Variants in LRP1B observed in about 807,000 individuals in gnomAD.
The protein encoded by LRP1B is low-density lipoprotein receptor-related protein 1B.
In LRP1B, 217 loss-of-function variants were observed where a neutral mutation model predicts 556.6. The ratio of observed to expected loss-of-function variants is 0.39; its 90% CI spans 0.35 to 0.44. LRP1B has a LOEUF of 0.44. LRP1B is among the 20% of genes least tolerant of loss of function. The probability of loss-of-function intolerance (pLI) is 1.00; values close to 1 mark genes in which losing one functional copy is unlikely to be tolerated. For missense variants in LRP1B, 5,053 were observed against 5,620.8 expected (o/e 0.90, Z 3.23); for synonymous variants, 2,047 against 1,865.8 (o/e 1.10, Z -2.50).
At chr2:141,766,442 C>T (rs1322299500) in intron 2 of LRP1B, among the ~76,000 whole-genome samples, 1 of 152,156 alleles carries the variant, frequency 6.6e-6, no homozygotes, top group Non-Finnish European at 1.5e-5. Context: ...AGCTAATGTC[C>T]TCATCACTAA....
intron 2 of LRP1B, among the ~76,000 whole-genome samples, chr2:141,760,282 G>A (rs1694491595): frequency 1.3e-5 from 2 of 152,156 alleles, no homozygotes; most frequent in South Asian, 2.1e-4. Flanking sequence ...ATACTAAGAC[G>A]ATATGAAAAA....
At chr2:142,032,284 C>T (rs78027294) in intron 1 of LRP1B, among the ~76,000 whole-genome samples, 2 of 151,752 alleles carry the variant, frequency 1.3e-5, no homozygotes, top group Non-Finnish European at 2.9e-5. Flanking sequence ...ATCCCTCTAT[C>T]CCATGCAAAC....
intron 2 of LRP1B, among the ~76,000 whole-genome samples, chr2:141,713,764 G>A (rs952766399): frequency 6.6e-6 from 1 of 152,084 alleles, no homozygotes; most frequent in Admixed American, 6.6e-5. Flanking sequence ...TTTCTCATAT[G>A]AGTCATATTA....
At chr2:141,995,786 G>T (rs530074584) in intron 1 of LRP1B, among the ~76,000 whole-genome samples, 1 of 152,096 alleles carries the variant, frequency 6.6e-6, no homozygotes, top group Admixed American at 6.6e-5. Context: ...TAAAATGTTA[G>T]AATTGTTTAA....
chr2:140,630,106 C>A (rs1375392356), intron 41 of LRP1B, among the ~76,000 whole-genome samples: 1 of 152,174 alleles, frequency 6.6e-6, no homozygotes, highest in Non-Finnish European at 1.5e-5. Context: ...GATGGCCCTG[C>A]AGTATCAGCA....
chr2:141,811,171 T>C (rs1000160171), intron 1 of LRP1B, among the ~76,000 whole-genome samples: 2 of 152,242 alleles, frequency 1.3e-5, no homozygotes, highest in South Asian at 2.1e-4. Context: ...TGAATCCCTT[T>C]ACAAACTAAT....
At chr2:141,442,881 A>C (rs759853804) in intron 3 of LRP1B, among the ~76,000 whole-genome samples, 3 of 152,170 alleles carry the variant, frequency 2.0e-5, no homozygotes, top group Non-Finnish European at 4.4e-5. Context: ...ATACTGCTGC[A>C]ATAAACATAT....
chr2:141,297,755 G>T (rs116495399), intron 3 of LRP1B, among the ~76,000 whole-genome samples: 1,635 of 152,146 alleles, frequency 0.011, 29 homozygotes, highest in African/African-American at 0.038. Flanking sequence ...ATATACAACG[G>T]TGCTCCCTAA....
intron 3 of LRP1B, among the ~76,000 whole-genome samples, chr2:141,309,971 G>A (rs1391674964): frequency 2.0e-5 from 3 of 152,126 alleles, no homozygotes; most frequent in African/African-American, 4.8e-5. Flanking sequence ...AAAAATGTGA[G>A]CAATAAATTT....
At chr2:141,203,384 C>T (rs552233918) in intron 6 of LRP1B, among the ~76,000 whole-genome samples, 78 of 151,662 alleles carry the variant, frequency 5.1e-4, no homozygotes, top group Non-Finnish European at 9.3e-4. Context: ...AAAAGAGTTG[C>T]AATCCTAATC....
intron 32 of LRP1B, among the ~76,000 whole-genome samples, chr2:140,784,188 T>A (rs1689804068): frequency 6.6e-6 from 1 of 152,076 alleles, no homozygotes; most frequent in Admixed American, 6.6e-5. Context: ...TCTCCCACCA[T>A]AATGTTCAAA....
At chr2:141,102,337 A>G (rs10048677) in intron 7 of LRP1B, among the ~76,000 whole-genome samples, 55,153 of 151,962 alleles carry the variant, frequency 0.36, 10,477 homozygotes, top group East Asian at 0.66. Flanking sequence ...TTTATATTGT[A>G]CAGGTCATAC....
chr2:141,285,983 C>A (rs868286513), intron 3 of LRP1B, among the ~76,000 whole-genome samples: 5 of 136,590 alleles, frequency 3.7e-5, no homozygotes, highest in East Asian at 2.2e-4. Flanking sequence ...AGGAGAATGG[C>A]GTGAACCCGG....
At position 140,352,941 on chromosome 2, in the gene LRP1B, T is replaced by A. The variant is rs1404189993; in HGVS notation, c.11650+12A>T. 6.2e-7 allele frequency: 1 copy of A among 1,607,484 alleles called. No individual in the cohort carries two copies. The highest frequency in any genetic ancestry group is 8.5e-7 in the Non-Finnish European group (1 of 1,177,716). On this transcript the variant is annotated intron_variant, in intron 76 of 90. Transcript: ENST00000389484. ...ATTGTAATAGGATTTGCAATAGTGG[T>A]TATAATCTTACCTTCTGCTATGCAG...
At chr2:141,246,475 T>C (rs1684072434) in intron 5 of LRP1B, among the ~76,000 whole-genome samples, 1 of 152,102 alleles carries the variant, frequency 6.6e-6, no homozygotes, top group African/African-American at 2.4e-5. Flanking sequence ...TATTGGGAGA[T>C]TTGAAGCAAA....
intron 2 of LRP1B, among the ~76,000 whole-genome samples, chr2:141,634,096 C>T (rs759824114): frequency 1.1e-4 from 16 of 151,798 alleles, no homozygotes; most frequent in South Asian, 2.1e-4. Context: ...AACAAAAAAG[C>T]CCATTGGGAA....
intron 43 of LRP1B, among the ~76,000 whole-genome samples, chr2:140,587,865 T>C (rs915391078): frequency 6.6e-6 from 1 of 152,028 alleles, no homozygotes; most frequent in Non-Finnish European, 1.5e-5. Flanking sequence ...ACATGTTACA[T>C]AGAAGAAAAC....
At chr2:141,455,904 T>A (rs1386161149) in intron 3 of LRP1B, among the ~76,000 whole-genome samples, 1 of 152,200 alleles carries the variant, frequency 6.6e-6, no homozygotes, top group Non-Finnish European at 1.5e-5. Context: ...TTTATCTACA[T>A]TACCACTAAT....
intron 3 of LRP1B, among the ~76,000 whole-genome samples, chr2:141,334,639 C>T (rs2714193): frequency 0.58 from 88,045 of 151,848 alleles, 26,434 homozygotes; most frequent in African/African-American, 0.68. Context: ...GCAACCTCCA[C>T]CTCCCAGGAT....
Sources: gnomAD v4.1 joint callset for allele counts (sites outside exome capture counted in the v4.1 genomes callset) on GRCh38, gnomAD v4.1.1 for gene constraint, MANE v1.5 for transcripts, NCBI Gene and HGNC (gene_info 2026-07-23, HGNC 2026-07-21) for gene names.